Variants in CFAP47 observed in about 807,000 individuals in gnomAD.
CFAP47 encodes the protein cilia- and flagella-associated protein 47.
A neutral mutation model predicts 148.1 loss-of-function variants in CFAP47; 29 were observed. The ratio of observed to expected loss-of-function variants is 0.20; its 90% CI spans 0.15 to 0.27. CFAP47 has a LOEUF of 0.27. CFAP47 is among the 10% of genes least tolerant of loss of function. CFAP47 has a pLI of 1.00. For missense variants in CFAP47, 1,872 were observed against 1,697.5 expected (o/e 1.10, Z -1.81); for synonymous variants, 664 against 577.3 (o/e 1.15, Z -2.15).
chrX:36,076,945 C>T (rs1339664405), intron 29 of CFAP47, among the ~76,000 whole-genome samples: 2 of 111,043 alleles, frequency 1.8e-5, no homozygotes, highest in East Asian at 2.8e-4. Flanking sequence ...TACTTTTAAT[C>T]GTCTGCAAAT....
chrX:36,314,388 G>A (rs1941416902), intron 56 of CFAP47, among the ~76,000 whole-genome samples: 1 of 111,495 alleles, frequency 9.0e-6, no homozygotes. Flanking sequence ...TAGCCACGTG[G>A]TGTAAGATTT....
Position 35,951,302 on chromosome X carries a change from C to A in CFAP47, c.828C>A (p.Ser276Arg), listed in dbSNP as rs1468195450. ...AACATGCACGTGTATACAATAATAG[C>A]CCAGAGCCCATAAATTGGGTGGCCA... ...KIKHARVYNN[S>R]PEPINWVAII... Residue 276 changes from serine (S) to arginine (R), a missense_variant, in exon 5 of 64, where the codon AGC (serine) becomes AGA (arginine). Ser to Arg is a moderately radical substitution (Grantham distance 110). Transcript: ENST00000378653. 8.3e-7 allele frequency: 1 copy of A among 1,208,035 alleles called. No homozygotes were observed. Among genetic ancestry groups the A allele is most frequent in the African/African-American group, 1.8e-5 (1 of 56,882 alleles).
chrX:36,268,330 G>C (rs910808239), intron 49 of CFAP47, among the ~76,000 whole-genome samples: 2 of 113,160 alleles, frequency 1.8e-5, no homozygotes, highest in Admixed American at 9.3e-5. Flanking sequence ...AGATTTACCT[G>C]CTTGAAGAAA....
intron 8 of CFAP47, among the ~76,000 whole-genome samples, chrX:35,960,045 C>A (rs1936303416): frequency 9.2e-6 from 1 of 108,890 alleles, no homozygotes; most frequent in Non-Finnish European, 1.9e-5. Context: ...ACTAAAAATT[C>A]TATTTTGCAT....
chrX:36,204,285 T>C (rs1378825309), intron 44 of CFAP47, among the ~76,000 whole-genome samples: 4 of 111,295 alleles, frequency 3.6e-5, no homozygotes, highest in Non-Finnish European at 5.7e-5. Context: ...TTGGCTTTTG[T>C]TGCCATTGCT....
At chrX:36,089,640 C>G (rs1469380701) in intron 30 of CFAP47, among the ~76,000 whole-genome samples, 1 of 111,022 alleles carries the variant, frequency 9.0e-6, no homozygotes, top group Non-Finnish European at 1.9e-5. Context: ...CGTTTTAGCT[C>G]TAAGTTCAAT....
At chrX:36,200,151 G>C (rs1939963903) in intron 42 of CFAP47, among the ~76,000 whole-genome samples, 1 of 111,533 alleles carries the variant, frequency 9.0e-6, no homozygotes, top group Non-Finnish European at 1.9e-5. Flanking sequence ...ATGCAATCCT[G>C]GGACCTTCTT....
At chrX:36,136,875 T>G (rs770174011) in intron 33 of CFAP47, among the ~76,000 whole-genome samples, 1 of 111,737 alleles carries the variant, frequency 8.9e-6, no homozygotes, top group African/African-American at 3.2e-5. Context: ...GAAATAATAC[T>G]TTGAAAAATA....
At chrX:35,959,053 CT>C (rs1936285352) in intron 8 of CFAP47, among the ~76,000 whole-genome samples, 1 of 112,108 alleles carries the variant, frequency 8.9e-6, no homozygotes, top group African/African-American at 3.2e-5. Context: ...AGATTCTCTG[CT>C]AGAGTTTCCA....
intron 2 of CFAP47, among the ~76,000 whole-genome samples, chrX:35,936,663 C>T (rs1406989603): frequency 1.8e-5 from 2 of 110,967 alleles, no homozygotes; most frequent in East Asian, 2.8e-4. Context: ...AACAGGCACA[C>T]ACCCCATTTA....
At chrX:36,270,549 G>GTATA (rs782687841) in intron 49 of CFAP47, among the ~76,000 whole-genome samples, 3 of 95,519 alleles carry the variant, frequency 3.1e-5, no homozygotes, top group Admixed American at 1.2e-4. Flanking sequence ...TTTAAAATTT[G>GTATA]TATATATATA....
intron 33 of CFAP47, among the ~76,000 whole-genome samples, chrX:36,109,238 C>T (rs761756903): frequency 3.9e-4 from 43 of 111,526 alleles, no homozygotes; most frequent in African/African-American, 1.3e-3. Context: ...CTATTGTGAA[C>T]AGTGCTGCAA....
At chrX:36,104,780 A>G (rs1938439010) in intron 33 of CFAP47, 89 bp downstream of exon 33, 1 of 370,681 alleles carries the variant, frequency 2.7e-6, no homozygotes. Context: ...TCAACTCAGA[A>G]TCCATGGATT....
chrX:35,961,418 T>G (rs1412953836), intron 8 of CFAP47, among the ~76,000 whole-genome samples: 2 of 111,822 alleles, frequency 1.8e-5, no homozygotes, highest in East Asian at 5.6e-4. Flanking sequence ...TTTAAACGGT[T>G]GGTAGAATTT....
chrX:36,033,249 A>G (rs1937301313), intron 23 of CFAP47, among the ~76,000 whole-genome samples: 1 of 112,170 alleles, frequency 8.9e-6, no homozygotes, highest in African/African-American at 3.2e-5. Flanking sequence ...AATTGGCTAA[A>G]ATTGGTTGCT....
At chrX:35,946,640 T>C (rs1249303282) in intron 3 of CFAP47, among the ~76,000 whole-genome samples, 1 of 112,603 alleles carries the variant, frequency 8.9e-6, no homozygotes, top group African/African-American at 3.2e-5. Flanking sequence ...ATTGTCTTTT[T>C]AATATTTTCA....
At chrX:36,326,559 G>A (rs983315723) in intron 57 of CFAP47, among the ~76,000 whole-genome samples, 1 of 111,761 alleles carries the variant, frequency 8.9e-6, no homozygotes, top group African/African-American at 3.3e-5. Context: ...AGATGGAGAT[G>A]AGGAACTTAT....
At position 36,165,971 on chromosome X, in the gene CFAP47, C is replaced by T. The variant is rs766583016; in HGVS notation, c.6026+5202C>T. Among the ~76,000 whole-genome samples, 91 of 111,251 alleles carry T rather than the reference C, an allele frequency of 8.2e-4. 1 individual carries two copies. Among genetic ancestry groups the T allele is most frequent in the Non-Finnish European group, 1.6e-3 (84 of 52,989 alleles). ...CAAATACAGTCACATTTGGAGATAC[C>T]GGGGTTAGGGCTTCAACATATGAAG... On this transcript the variant is annotated intron_variant, in intron 39 of 63. Transcript: ENST00000378653.
At chrX:36,352,817 G>T (rs1328919074) in intron 59 of CFAP47, among the ~76,000 whole-genome samples, 1 of 108,356 alleles carries the variant, frequency 9.2e-6, no homozygotes, top group Non-Finnish European at 1.9e-5. Flanking sequence ...TAAAATATTG[G>T]AATTTAATAC....
Sources: gnomAD v4.1 joint callset for allele counts (sites outside exome capture counted in the v4.1 genomes callset) on GRCh38, gnomAD v4.1.1 for gene constraint, MANE v1.5 for transcripts, NCBI Gene and HGNC (gene_info 2026-07-23, HGNC 2026-07-21) for gene names.